The following SAMD8 variants were observed in gnomAD, a reference collection of about 807,000 sequenced individuals.
SAMD8 encodes the protein sphingomyelin synthase-related protein 1.
In SAMD8, 20 loss-of-function variants were observed where a neutral mutation model predicts 42.0. The ratio of observed to expected loss-of-function variants is 0.48; its 90% CI spans 0.34 to 0.69. The LOEUF is 0.69. SAMD8 is among the 30% of genes least tolerant of loss of function. SAMD8 has a pLI of 0.01. For missense variants in SAMD8, 328 were observed against 511.6 expected, an observed-to-expected ratio of 0.64 and a Z score of 3.46; for synonymous variants, 162 against 173.0, an observed-to-expected ratio of 0.94 and a Z score of 0.50.
upstream of SAMD8, among the ~76,000 whole-genome samples, chr10:75,110,153 G>A (rs1848730342): frequency 6.6e-6 from 1 of 152,186 alleles, no homozygotes. Context: ...CTGTAGTGAA[G>A]ATGGCTAACT....
chr10:75,140,980 T>C (rs1839997308), intron 1 of SAMD8, among the ~76,000 whole-genome samples: 1 of 152,232 alleles, frequency 6.6e-6, no homozygotes, highest in East Asian at 1.9e-4. Flanking sequence ...GAGTATTTAA[T>C]ATTTTTTATG....
intron 2 of SAMD8, among the ~76,000 whole-genome samples, chr10:75,153,270 C>A (rs746010130): frequency 6.6e-6 from 1 of 152,100 alleles, no homozygotes; most frequent in Non-Finnish European, 1.5e-5. Context: ...GCATGAGCCA[C>A]TGCGCTTGGC....
chr10:75,105,697 T>C, intron 1 of SAMD8: 1 of 1,550,740 alleles, frequency 6.4e-7, no homozygotes, highest in Non-Finnish European at 8.7e-7. Context: ...CCGCAGTTGC[T>C]GGTCCAGCCT....
At chr10:75,143,079 C>T (rs1393289058) in intron 1 of SAMD8, among the ~76,000 whole-genome samples, 7 of 152,132 alleles carry the variant, frequency 4.6e-5, no homozygotes, top group African/African-American at 9.7e-5. Context: ...GAGGCCGAGG[C>T]GGGTGGATCA....
chr10:75,120,548 C>T (rs570976197), intron 1 of SAMD8, among the ~76,000 whole-genome samples: 6 of 152,134 alleles, frequency 3.9e-5, no homozygotes, highest in East Asian at 1.9e-4. Context: ...GGATTACAGG[C>T]GTGAGCCACC....
At chr10:75,158,005 C>T (rs1311523377) in intron 2 of SAMD8, among the ~76,000 whole-genome samples, 2 of 151,016 alleles carry the variant, frequency 1.3e-5, no homozygotes, top group Non-Finnish European at 3.0e-5. Context: ...ACTAAAAATT[C>T]AAAATTAGCC....
chr10:75,135,619 A>C (rs1849378863), intron 1 of SAMD8, among the ~76,000 whole-genome samples: 2 of 151,910 alleles, frequency 1.3e-5, no homozygotes, highest in South Asian at 4.1e-4. Flanking sequence ...AGGTCAGGAG[A>C]TCGAGACCAT....
chr10:75,156,087 G>T (rs1220202374), intron 2 of SAMD8, among the ~76,000 whole-genome samples: 3 of 152,128 alleles, frequency 2.0e-5, no homozygotes, highest in Non-Finnish European at 4.4e-5. Flanking sequence ...GTGTATGCCT[G>T]CAGTCCCAGC....
At chr10:75,155,917 A>G (rs1330007906) in intron 2 of SAMD8, among the ~76,000 whole-genome samples, 6 of 152,184 alleles carry the variant, frequency 3.9e-5, no homozygotes, top group Non-Finnish European at 7.4e-5. Context: ...TGGTTTTAAA[A>G]TACTGTTCCC....
chr10:75,124,117 A>G lies in SAMD8; in HGVS notation c.-16+12395A>G, dbSNP rs147784224. ...CTCTAGTATCCACTTTGGGATATATATGGCAAAATAAACAAACAAAACACC... is the reference window on the plus strand; with the variant it reads ...CTCTAGTATCCACTTTGGGATATATGTGGCAAAATAAACAAACAAAACACC... On this transcript the variant is annotated intron_variant, in intron 1 of 5. Transcript: ENST00000542569. 3.4e-3 allele frequency among the ~76,000 whole-genome samples: 518 copies of G among 152,152 alleles called. 2 individuals are homozygous for G. The highest frequency in any genetic ancestry group is 0.012 in the African/African-American group (478 of 41,500).
chr10:75,104,894 G>A (rs1455557825), intron 1 of SAMD8, among the ~76,000 whole-genome samples: 1 of 152,000 alleles, frequency 6.6e-6, no homozygotes, highest in African/African-American at 2.4e-5. Flanking sequence ...TTAGGGGTGG[G>A]AGGCAGGGAG....
Position 75,180,254 on chromosome 10 carries a change from G to A in SAMD8, c.*3562G>A, listed in dbSNP as rs1841057371. 1 of 152,138 alleles carries A rather than the reference G, an allele frequency of 6.6e-6. No individual in the cohort carries two copies. Among genetic ancestry groups the A allele is most frequent in the Admixed American group, 6.6e-5 (1 of 15,258 alleles). The allele number at this position is 152,138 out of a possible 1,614,324, so 9.4% of individuals were successfully genotyped here. A position where few individuals can be genotyped will look rare whatever the true frequency, so the allele number is the denominator to read the frequency against. On this transcript the variant is annotated 3_prime_UTR_variant, in exon 6 of 6. Coordinates refer to ENST00000542569, the MANE Select transcript of SAMD8 (RefSeq NM_001174156.2). ...CTAGCTCTATTTATTTGTATCCTTT[G>A]AAATCAGAACTTATCCTTAGAACCA...
At chr10:75,100,407 T>G in intron 1 of SAMD8, among the ~76,000 whole-genome samples, 1 of 151,908 alleles carries the variant, frequency 6.6e-6, no homozygotes, top group Non-Finnish European at 1.5e-5. Context: ...TCAGTCAGAG[T>G]CAGGCCCGGC....
chr10:75,138,686 A>G (rs1308515367), intron 1 of SAMD8, among the ~76,000 whole-genome samples: 1 of 152,170 alleles, frequency 6.6e-6, no homozygotes, highest in Non-Finnish European at 1.5e-5. Flanking sequence ...GTATGAACTA[A>G]ATTTGTTTGG....
Position 75,115,886 on chromosome 10 carries a change from AG to A in SAMD8, c.-16+4165del, listed in dbSNP as rs554517797. Among the ~76,000 whole-genome samples, 45 of 148,976 alleles carry A rather than the reference AG, an allele frequency of 3.0e-4. No individual in the cohort carries two copies. In the Middle Eastern group the frequency reaches 0.01, roughly 34 times the overall value. On this transcript the variant is annotated intron_variant, in intron 1 of 5. Coordinates refer to ENST00000542569, the MANE Select transcript of SAMD8 (RefSeq NM_001174156.2). ...AACCCGAGAGGCGGAGCTTGCAGTG[AG>A]CGGAGATCACACCACTGCACTCCAG... is the stretch of plus-strand genomic sequence containing the variant.
intron 1 of SAMD8, among the ~76,000 whole-genome samples, chr10:75,136,193 A>G (rs938071031): frequency 6.6e-6 from 1 of 151,966 alleles, no homozygotes; most frequent in Admixed American, 6.6e-5. Flanking sequence ...CCTGCTTGGT[A>G]GATGAAGTAG....
rs1404909270 is a variant in SAMD8 at position 75,178,281 on chromosome 10, A to G, written c.*1589A>G. 6.6e-6 allele frequency: 1 copy of G among 152,234 alleles called. No homozygotes were observed. Among genetic ancestry groups the G allele is most frequent in the African/African-American group, 2.4e-5 (1 of 41,462 alleles). 9.4% of individuals were successfully genotyped at this position (152,234 alleles called of 1,614,324 possible). ...GTATTTCTCACTTGAGAAATGCTGC[A>G]AGGCAATTCAACTTTTATGCTTTTA... On this transcript the variant is annotated 3_prime_UTR_variant, in exon 6 of 6. Coordinates refer to ENST00000542569, the MANE Select transcript of SAMD8 (RefSeq NM_001174156.2).
chr10:75,116,369 G>C (rs1848882217), intron 1 of SAMD8, among the ~76,000 whole-genome samples: 1 of 152,006 alleles, frequency 6.6e-6, no homozygotes. Flanking sequence ...GCCTCCCAAA[G>C]TGCTAGGATT....
At chr10:75,164,386 CTTTTT>C in intron 2 of SAMD8, 1 of 269,264 alleles carries the variant, frequency 3.7e-6, no homozygotes, top group Non-Finnish European at 5.5e-6. Context: ...GTTGCCACTT[CTTTTT>C]TTTTTTTTTT....
Sources: allele counts gnomAD v4.1 joint callset (sites outside exome capture counted in the v4.1 genomes callset), GRCh38; gene constraint gnomAD v4.1.1; transcripts MANE v1.5; gene names NCBI Gene and HGNC (gene_info 2026-07-23, HGNC 2026-07-21).